Variants in PCDHA1 observed in about 807,000 individuals in gnomAD.
PCDHA1 encodes the protein protocadherin alpha-1.
Under a neutral mutation model 61.3 loss-of-function variants are expected in PCDHA1, and 42 were observed. That is an observed-to-expected ratio of 0.69 (90% CI 0.54 to 0.89). PCDHA1 has a LOEUF of 0.89. Ranked by LOEUF, PCDHA1 falls within the 40% of genes least tolerant of loss-of-function variation. PCDHA1 has a pLI of 0.00. For synonymous variants in PCDHA1, 610 were observed against 553.8 expected (o/e 1.10, Z -1.43); for missense variants, 1,256 against 1,235.3 (o/e 1.02, Z -0.25).
chr5:140,830,668 A>C (rs1269050211), intron 1 of PCDHA1: 1 of 382,460 alleles, frequency 2.6e-6, no homozygotes, highest in Non-Finnish European at 4.3e-6. Flanking sequence ...TTTAAGTGAA[A>C]TTAGAAATCA....
chr5:140,887,101 CTTT>C (rs200717289), intron 1 of PCDHA1, among the ~76,000 whole-genome samples: 1 of 145,292 alleles, frequency 6.9e-6, no homozygotes, highest in African/African-American at 2.5e-5. Flanking sequence ...ATCTTTATCT[CTTT>C]TTTTTTTTTT....
chr5:140,882,935 ACTGGCACAGTTCAG>A (rs2153388631), intron 1 of PCDHA1: 1 of 1,614,238 alleles, frequency 6.2e-7, no homozygotes, highest in East Asian at 2.2e-5. Flanking sequence ...ACCCGAGCTG[ACTGGCACAGTTCAG>A]CTGCTCATCA....
At chr5:140,808,999 C>T (rs17844283) in intron 1 of PCDHA1, 4 of 1,613,708 alleles carry the variant, frequency 2.5e-6, no homozygotes, top group South Asian at 2.2e-5. Context: ...CGGGCTACAA[C>T]GCGTGGCTTT....
intron 1 of PCDHA1, among the ~76,000 whole-genome samples, chr5:140,832,019 T>C (rs2150199217): frequency 4.6e-5 from 7 of 152,356 alleles, no homozygotes; most frequent in Non-Finnish European, 1.0e-4. Context: ...TACGTAAAGA[T>C]TGAATTTTTG....
At chr5:140,849,200 C>G (rs2150432715) in intron 1 of PCDHA1, 2 of 1,040,964 alleles carry the variant, frequency 1.9e-6, no homozygotes, top group Non-Finnish European at 2.7e-6. Flanking sequence ...TACTGGACAA[C>G]AATGACAATG....
chr5:140,998,987 G>A (rs1381033392), intron 3 of PCDHA1, among the ~76,000 whole-genome samples: 1 of 152,234 alleles, frequency 6.6e-6, no homozygotes. Context: ...ATAGTAGAAA[G>A]CAGAATGCTG....
At chr5:140,984,581 C>G (rs141574202) in intron 3 of PCDHA1, among the ~76,000 whole-genome samples, 5 of 152,158 alleles carry the variant, frequency 3.3e-5, no homozygotes, top group African/African-American at 1.2e-4. Context: ...GCAACCTAAT[C>G]ATACTTTTCA....
intron 1 of PCDHA1, among the ~76,000 whole-genome samples, chr5:140,925,082 AAAGGAAGG>A (rs138596875): frequency 4.1e-5 from 6 of 147,388 alleles, no homozygotes; most frequent in Admixed American, 1.3e-4. Flanking sequence ...GCTCATCTGG[AAAGGAAGG>A]AAGGAAGGAA....
intron 1 of PCDHA1, among the ~76,000 whole-genome samples, chr5:140,974,578 C>T (rs1554236214): frequency 6.6e-6 from 1 of 152,170 alleles, no homozygotes; most frequent in Admixed American, 6.5e-5. Flanking sequence ...ATGGCATGAT[C>T]TTGGCTCACT....
At chr5:140,924,987 TC>T (rs1458982480) in intron 1 of PCDHA1, among the ~76,000 whole-genome samples, 4 of 151,232 alleles carry the variant, frequency 2.6e-5, no homozygotes, top group Admixed American at 6.6e-5. Context: ...ATGTCTGTAA[TC>T]CTAGCACTTT....
chr5:140,797,021 C>A (rs782443070), intron 1 of PCDHA1: 3 of 1,613,716 alleles, frequency 1.9e-6, no homozygotes, highest in Non-Finnish European at 2.5e-6. Context: ...TGGGTGGGCG[C>A]CGCGGGCTCA....
At chr5:140,854,583 A>T (rs1554147343) in intron 1 of PCDHA1, 1 of 149,916 alleles carries the variant, frequency 6.7e-6, no homozygotes, top group African/African-American at 2.4e-5. Flanking sequence ...AGATTTTAAT[A>T]AAAAAAGTTT....
intron 1 of PCDHA1, among the ~76,000 whole-genome samples, chr5:140,958,935 G>A (rs1439446773): frequency 9.3e-6 from 1 of 107,572 alleles, no homozygotes; most frequent in African/African-American, 4.3e-5. Flanking sequence ...GCTCATACTT[G>A]TAATAATATT....
At chr5:140,883,662 A>G (rs371713279) in intron 1 of PCDHA1, 3 of 1,613,586 alleles carry the variant, frequency 1.9e-6, no homozygotes, top group Non-Finnish European at 2.5e-6. Context: ...GTGTTCGTGA[A>G]GGAAAACAAT....
At chr5:140,882,768 C>CA in intron 1 of PCDHA1, 1 of 1,614,222 alleles carries the variant, frequency 6.2e-7, no homozygotes, top group Non-Finnish European at 8.5e-7. Flanking sequence ...GTAAACTCGG[C>CA]ATTGACCTAC....
chr5:140,829,158 C>T, intron 1 of PCDHA1: 1 of 1,614,016 alleles, frequency 6.2e-7, no homozygotes, highest in East Asian at 2.2e-5. Flanking sequence ...ACTTCCTTAT[C>T]CTTGCCTGTA....
chr5:140,796,567 G>C (rs782025511), intron 1 of PCDHA1: 2 of 1,613,340 alleles, frequency 1.2e-6, no homozygotes, highest in Non-Finnish European at 1.7e-6. Flanking sequence ...GCAGTTCCAG[G>C]TGAGCGCGCG....
intron 1 of PCDHA1, among the ~76,000 whole-genome samples, chr5:140,947,069 T>G (rs2094080715): frequency 6.6e-6 from 1 of 151,696 alleles, no homozygotes; most frequent in Admixed American, 6.6e-5. Context: ...AGTGTATATA[T>G]GTATTGAAAC....
At chr5:140,856,686 C>T (rs782337552) in intron 1 of PCDHA1, 1 of 1,597,202 alleles carries the variant, frequency 6.3e-7, no homozygotes, top group Non-Finnish European at 8.6e-7. Context: ...TTGTTGACAG[C>T]AACTGATGGA....
Sources: allele counts gnomAD v4.1 joint callset (sites outside exome capture counted in the v4.1 genomes callset), GRCh38; gene constraint gnomAD v4.1.1; transcripts MANE v1.5; gene names NCBI Gene and HGNC (gene_info 2026-07-23, HGNC 2026-07-21).